The following TRAM2 variants were observed in gnomAD, a reference collection of about 807,000 sequenced individuals.
TRAM2 encodes the protein translocation associated membrane protein 2, also known as translocating chain-associated membrane protein 2.
A neutral mutation model predicts 51.0 loss-of-function variants in TRAM2; 12 were observed. That is an observed-to-expected ratio of 0.24 (90% CI 0.15 to 0.38). The LOEUF (loss-of-function observed/expected upper bound fraction) is 0.38, where lower values mean the gene tolerates loss of function less well. Ranked by LOEUF, TRAM2 falls within the 10% of genes least tolerant of loss-of-function variation. The pLI, the probability that TRAM2 is intolerant of heterozygous loss-of-function variation, is 1.00. For missense variants in TRAM2, 361 were observed against 462.0 expected (o/e 0.78, Z 2.00); for synonymous variants, 175 against 179.4 (o/e 0.98, Z 0.20).
Position 52,499,383 on chromosome 6 carries a change from G to T in TRAM2, c.*3814C>A, listed in dbSNP as rs1022153576. On this transcript the variant is annotated 3_prime_UTR_variant, in exon 11 of 11. Transcript: ENST00000182527. ...TTGTGCCATAGGCCCTTAAGCAAAA[G>T]AATTAGTTATGTGCAGACTTCCCTA... The T allele has an allele frequency of 6.6e-6, 1 of 152,166 alleles. No homozygotes were observed. The highest frequency in any genetic ancestry group is 2.4e-5 in the African/African-American group (1 of 41,434). 9.4% of individuals were successfully genotyped at this position (152,166 alleles called of 1,614,324 possible).
intron 1 of TRAM2, among the ~76,000 whole-genome samples, chr6:52,558,691 A>T (rs1041974925): frequency 3.3e-5 from 5 of 152,184 alleles, no homozygotes; most frequent in Non-Finnish European, 5.9e-5. Context: ...TTTAGGAAGT[A>T]TGGGAGGGTT....
chr6:52,561,052 A>G (rs1465159244), intron 1 of TRAM2, among the ~76,000 whole-genome samples: 1 of 152,224 alleles, frequency 6.6e-6, no homozygotes, highest in Admixed American at 6.5e-5. Flanking sequence ...TGATTCAGTC[A>G]TAAAAAGAAA....
chr6:52,535,685 G>GAA, intron 2 of TRAM2, 98 bp downstream of exon 2: 1 of 1,156,730 alleles, frequency 8.6e-7, no homozygotes, highest in Non-Finnish European at 1.2e-6. Context: ...CCGTCATGGG[G>GAA]GAAAAAAAAA....
Position 52,500,440 on chromosome 6 carries a change from A to G in TRAM2, c.*2757T>C, listed in dbSNP as rs912959861. The G allele has an allele frequency of 1.3e-5, 2 of 151,932 alleles. No individual in the cohort carries two copies. The highest frequency in any genetic ancestry group is 4.8e-5 in the African/African-American group (2 of 41,342). The allele number at this position is 151,932 out of a possible 1,614,324, so 9.4% of individuals were successfully genotyped here. A position where few individuals can be genotyped will look rare whatever the true frequency, so the allele number is the denominator to read the frequency against. ...GGAGGGGGGTGACAAAGTACCCTAC[A>G]ACTACCCTCTAACCACCCCCCCCAA... On this transcript the variant is annotated 3_prime_UTR_variant, in exon 11 of 11. Transcript: ENST00000182527.
chr6:52,563,900 C>CA (rs11405486), intron 1 of TRAM2, among the ~76,000 whole-genome samples: 128,742 of 142,866 alleles, frequency 0.9, 58,116 homozygotes, highest in South Asian at 0.97. Flanking sequence ...GTACCTATTC[C>CA]AAAAAAAAAA....
chr6:52,520,318 C>G (rs888694327), intron 2 of TRAM2, among the ~76,000 whole-genome samples: 5 of 152,182 alleles, frequency 3.3e-5, no homozygotes, highest in Admixed American at 6.5e-5. Context: ...GGAATGAGAG[C>G]TACTGGAGGA....
In TRAM2 at chr6:52,499,054, G is replaced by A. The variant is rs551976086; in HGVS notation, c.*4143C>T. 6.6e-6 allele frequency: 1 copy of A among 152,324 alleles called. No homozygotes were observed. Among genetic ancestry groups the A allele is most frequent in the Admixed American group, 6.5e-5 (1 of 15,284 alleles). The allele number at this position is 152,324 out of a possible 1,614,324, so 9.4% of individuals were successfully genotyped here. A position where few individuals can be genotyped will look rare whatever the true frequency, so the allele number is the denominator to read the frequency against. The stretch of plus-strand genomic sequence containing the variant: ...AGGCAGCTTTCACTGGGGAGAACTG[G>A]TCTTCAGCCTTTGCAAGGTGGAGCT... On this transcript the variant is annotated 3_prime_UTR_variant, in exon 11 of 11. Coordinates refer to ENST00000182527, the MANE Select transcript of TRAM2 (RefSeq NM_012288.4).
chr6:52,575,055 A>G (rs1056719676), intron 1 of TRAM2, among the ~76,000 whole-genome samples: 1 of 152,230 alleles, frequency 6.6e-6, no homozygotes, highest in Non-Finnish European at 1.5e-5. Flanking sequence ...CAGACAGCAG[A>G]GAATGCGCTG....
chr6:52,520,266 C>A (rs4712009), intron 2 of TRAM2, among the ~76,000 whole-genome samples: 43,658 of 152,046 alleles, frequency 0.29, 7,989 homozygotes, highest in East Asian at 0.8. Context: ...TCAGGAAGCA[C>A]CCCTTAGAGG....
intron 1 of TRAM2, among the ~76,000 whole-genome samples, chr6:52,538,955 A>C (rs1234491265): frequency 2.0e-5 from 3 of 152,200 alleles, no homozygotes; most frequent in Non-Finnish European, 2.9e-5. Flanking sequence ...TCAACAGATC[A>C]ATTCATAACC....
chr6:52,497,762 C>T lies in TRAM2; in HGVS notation c.*5435G>A, dbSNP rs1239751548. ...TCAGATGTTTTTTTAAACAGAGGAACCGAAAAATGAGGTTTACAGTCTCAT... is the reference window on the plus strand; with the variant it reads ...TCAGATGTTTTTTTAAACAGAGGAATCGAAAAATGAGGTTTACAGTCTCAT... On this transcript the variant is annotated 3_prime_UTR_variant, in exon 11 of 11. Coordinates refer to ENST00000182527, the MANE Select transcript of TRAM2 (RefSeq NM_012288.4). The T allele has an allele frequency of 6.6e-6, 1 of 152,562 alleles. No homozygotes were observed. Among genetic ancestry groups the T allele is most frequent in the Non-Finnish European group, 1.5e-5 (1 of 68,018 alleles). The allele number at this position is 152,562 out of a possible 1,614,324, so 9.5% of individuals were successfully genotyped here. A position where few individuals can be genotyped will look rare whatever the true frequency, so the allele number is the denominator to read the frequency against.
chr6:52,546,285 G>A (rs1486068101), intron 1 of TRAM2, among the ~76,000 whole-genome samples: 1 of 152,210 alleles, frequency 6.6e-6, no homozygotes, highest in African/African-American at 2.4e-5. Context: ...CAGAAGGCAG[G>A]TCCTATGAAG....
intron 4 of TRAM2, among the ~76,000 whole-genome samples, chr6:52,511,849 C>A (rs1414317438): frequency 1.3e-5 from 2 of 152,166 alleles, no homozygotes; most frequent in Non-Finnish European, 2.9e-5. Context: ...GATCTCACTT[C>A]GAACTTACAT....
chr6:52,552,884 C>T (rs527950988), intron 1 of TRAM2, among the ~76,000 whole-genome samples: 1 of 152,294 alleles, frequency 6.6e-6, no homozygotes, highest in Non-Finnish European at 1.5e-5. Flanking sequence ...AAAGACTCCC[C>T]ACCTTTCCTT....
intron 1 of TRAM2, among the ~76,000 whole-genome samples, chr6:52,567,247 C>G (rs1767604765): frequency 6.6e-6 from 1 of 152,132 alleles, no homozygotes; most frequent in Non-Finnish European, 1.5e-5. Context: ...GAAAATCTGG[C>G]GAGGCCATAG....
At chr6:52,559,442 T>C (rs73429524) in intron 1 of TRAM2, among the ~76,000 whole-genome samples, 11,581 of 152,166 alleles carry the variant, frequency 0.076, 1,195 homozygotes, top group African/African-American at 0.23. Flanking sequence ...GGCTCTGGCA[T>C]TGATGAGCAA....
At chr6:52,538,579 C>T (rs552338507) in intron 1 of TRAM2, among the ~76,000 whole-genome samples, 29 of 152,276 alleles carry the variant, frequency 1.9e-4, no homozygotes, top group African/African-American at 6.5e-4. Flanking sequence ...GGGAAGAGCA[C>T]TGGTGTTCAA....
chr6:52,535,305 A>C (rs1435204006), intron 2 of TRAM2, among the ~76,000 whole-genome samples: 1 of 152,218 alleles, frequency 6.6e-6, no homozygotes, highest in Admixed American at 6.5e-5. Flanking sequence ...AGAGAGCAGA[A>C]GAGAGGGAAG....
chr6:52,528,259 C>T (rs528168197), intron 2 of TRAM2, among the ~76,000 whole-genome samples: 1 of 152,198 alleles, frequency 6.6e-6, no homozygotes, highest in East Asian at 1.9e-4. Context: ...ATAAAAGGAG[C>T]AGGCCAGACT....
Sources: gnomAD v4.1 joint callset for allele counts (sites outside exome capture counted in the v4.1 genomes callset) on GRCh38, gnomAD v4.1.1 for gene constraint, MANE v1.5 for transcripts, NCBI Gene and HGNC (gene_info 2026-07-23, HGNC 2026-07-21) for gene names.